The following TMEFF1 variants were observed in gnomAD, a reference collection of about 807,000 sequenced individuals.
TMEFF1 encodes the protein transmembrane protein with EGF like and two follistatin like domains 1, also known as tomoregulin-1.
A neutral mutation model predicts 47.5 loss-of-function variants in TMEFF1; 20 were observed. That is an observed-to-expected ratio of 0.42 (90% CI 0.30 to 0.61). TMEFF1 has a LOEUF of 0.61. Among genes scored for constraint, TMEFF1 ranks in the 20% least tolerant of loss-of-function variants. The probability of loss-of-function intolerance (pLI) is 0.19; values close to 1 mark genes in which losing one functional copy is unlikely to be tolerated. For missense variants in TMEFF1, 411 were observed against 471.1 expected (o/e 0.87, Z 1.18); for synonymous variants, 162 against 166.3 (o/e 0.97, Z 0.20).
intron 5 of TMEFF1, among the ~76,000 whole-genome samples, chr9:100,532,492 C>T (rs1269445999): frequency 6.6e-6 from 1 of 152,102 alleles, no homozygotes; most frequent in East Asian, 1.9e-4. Context: ...AAAAAATGCT[C>T]ATCATCACTG....
At chr9:100,560,095 A>G (rs898474421) in intron 7 of TMEFF1, among the ~76,000 whole-genome samples, 7 of 151,742 alleles carry the variant, frequency 4.6e-5, no homozygotes, top group South Asian at 2.1e-4. Context: ...ATAACTCACT[A>G]TTTCATTCCT....
chr9:100,541,404 T>TA (rs1291808556), intron 5 of TMEFF1, among the ~76,000 whole-genome samples: 17 of 148,586 alleles, frequency 1.1e-4, no homozygotes, highest in African/African-American at 4.0e-4. Flanking sequence ...GATGGAGTCT[T>TA]ACACTGTTGC....
intron 5 of TMEFF1, among the ~76,000 whole-genome samples, chr9:100,541,877 A>G (rs189105944): frequency 8.3e-4 from 126 of 152,276 alleles, no homozygotes; most frequent in Middle Eastern, 6.8e-3. Context: ...GGTTTCTTCT[A>G]TACCCAGGGT....
chr9:100,571,623 C>T (rs1430389654), intron 8 of TMEFF1, among the ~76,000 whole-genome samples: 3 of 151,298 alleles, frequency 2.0e-5, no homozygotes, highest in Admixed American at 2.0e-4. Context: ...CCGTACAAGA[C>T]AGTTTTTCCA....
chr9:100,525,175 C>T (rs1340580654), intron 5 of TMEFF1, among the ~76,000 whole-genome samples: 2 of 152,172 alleles, frequency 1.3e-5, no homozygotes, highest in Non-Finnish European at 1.5e-5. Context: ...CAACAACAAT[C>T]GATTTTCCAA....
chr9:100,480,242 A>G (rs1837314817), intron 1 of TMEFF1, among the ~76,000 whole-genome samples: 1 of 152,174 alleles, frequency 6.6e-6, no homozygotes, highest in Non-Finnish European at 1.5e-5. Context: ...CCCTTAGTAA[A>G]TCATACTAAT....
chr9:100,523,494 T>C (rs111616505), intron 5 of TMEFF1, among the ~76,000 whole-genome samples: 10 of 152,294 alleles, frequency 6.6e-5, no homozygotes, highest in Non-Finnish European at 1.2e-4. Context: ...TAGGCCTTTG[T>C]TGAATTAGTG....
chr9:100,507,732 A>G (rs1467662689), intron 2 of TMEFF1, among the ~76,000 whole-genome samples: 1 of 152,108 alleles, frequency 6.6e-6, no homozygotes, highest in Non-Finnish European at 1.5e-5. Flanking sequence ...TTTAAGTTCA[A>G]AAGGTAATTC....
In TMEFF1 at chr9:100,540,675, C is replaced by T. The variant is rs184749398; in HGVS notation, c.561-7069C>T. Among the ~76,000 whole-genome samples the T allele has an allele frequency of 7.7e-4, 117 of 152,344 alleles. 1 individual carries two copies. The highest frequency in any genetic ancestry group is 3.4e-3 in the Middle Eastern group (1 of 294). On this transcript the variant is annotated intron_variant, in intron 5 of 9. Coordinates refer to ENST00000374879, the MANE Select transcript of TMEFF1 (RefSeq NM_003692.5). ...GGTGAGGGCTGCTAGCACGTTGTCACCTCTCACTACCAGCAGAGGATGAGA... is the reference window on the plus strand; with the variant it reads ...GGTGAGGGCTGCTAGCACGTTGTCATCTCTCACTACCAGCAGAGGATGAGA...
chr9:100,571,206 A>AGAGGTGCT (rs1839232371), intron 8 of TMEFF1, among the ~76,000 whole-genome samples: 4 of 152,162 alleles, frequency 2.6e-5, no homozygotes, highest in Admixed American at 6.6e-5. Context: ...GAGGACTGTA[A>AGAGGTGCT]ATGTTTATAC....
At position 100,561,431 on chromosome 9, in the gene TMEFF1, A is replaced by C. The variant is rs1398449137; in HGVS notation, c.810A>C (p.Gly270=). ...ASDQREDVYI[G]NHMPCPENLN... ...ATCAAAGAGAAGATGTTTATATTGG[A>C]AACCACATGCCTTGCCCTGAAAACC... The change falls in exon 8 of 10, where the codon GGA becomes GGC. Residue 270 remains glycine, a synonymous_variant. Coordinates refer to ENST00000374879, the MANE Select transcript of TMEFF1 (RefSeq NM_003692.5). 1 of 1,613,508 alleles carries C rather than the reference A, an allele frequency of 6.2e-7. No homozygotes were observed. The highest frequency in any genetic ancestry group is 2.2e-5 in the East Asian group (1 of 44,850).
At chr9:100,521,676 T>C (rs974187555) in intron 5 of TMEFF1, among the ~76,000 whole-genome samples, 1 of 152,316 alleles carries the variant, frequency 6.6e-6, no homozygotes, top group African/African-American at 2.4e-5. Flanking sequence ...TCAGTACCTT[T>C]TATATACCCG....
chr9:100,504,660 C>T (rs954309255), intron 2 of TMEFF1, among the ~76,000 whole-genome samples: 20 of 152,126 alleles, frequency 1.3e-4, no homozygotes, highest in Non-Finnish European at 8.8e-5. Flanking sequence ...TTATAATCAC[C>T]GTTGTACACC....
chr9:100,475,977 T>G (rs2118219366), intron 1 of TMEFF1, among the ~76,000 whole-genome samples: 1 of 152,272 alleles, frequency 6.6e-6, no homozygotes, highest in African/African-American at 2.4e-5. Context: ...TGGTCCTTGT[T>G]AAGCAGCTGT....
intron 5 of TMEFF1, among the ~76,000 whole-genome samples, chr9:100,545,070 T>G (rs187927474): frequency 6.6e-6 from 1 of 152,294 alleles, no homozygotes; most frequent in African/African-American, 2.4e-5. Context: ...CTGTGGCTTT[T>G]CCAGATGCAC....
intron 7 of TMEFF1, among the ~76,000 whole-genome samples, chr9:100,554,113 T>A (rs561242592): frequency 6.6e-6 from 1 of 152,182 alleles, no homozygotes; most frequent in Non-Finnish European, 1.5e-5. Context: ...ATCTTTGGTC[T>A]CATCCTTGAG....
intron 7 of TMEFF1, among the ~76,000 whole-genome samples, chr9:100,557,837 T>G (rs1468813832): frequency 1.3e-5 from 2 of 152,100 alleles, no homozygotes; most frequent in African/African-American, 4.8e-5. Flanking sequence ...ATGCTTTTTT[T>G]TTTTTTTTAA....
chr9:100,556,877 G>T (rs150048876), intron 7 of TMEFF1, among the ~76,000 whole-genome samples: 5 of 151,950 alleles, frequency 3.3e-5, no homozygotes, highest in South Asian at 2.1e-4. Context: ...ACACAGTCTC[G>T]CTCTGTCACC....
chr9:100,536,296 T>C (rs1838505298), intron 5 of TMEFF1, among the ~76,000 whole-genome samples: 1 of 152,218 alleles, frequency 6.6e-6, no homozygotes, highest in Non-Finnish European at 1.5e-5. Flanking sequence ...TGGAAGTTTT[T>C]ATGCAGACCT....
Sources: allele counts gnomAD v4.1 joint callset (sites outside exome capture counted in the v4.1 genomes callset), GRCh38; gene constraint gnomAD v4.1.1; transcripts MANE v1.5; gene names NCBI Gene and HGNC (gene_info 2026-07-23, HGNC 2026-07-21).